The following KCNIP4 variants were observed in gnomAD, a reference collection of about 807,000 sequenced individuals.
KCNIP4 encodes Kv channel-interacting protein 4.
KCNIP4 carries 12 observed loss-of-function variants against 34.0 expected under a neutral mutation model. The ratio of observed to expected loss-of-function variants is 0.35; its 90% CI spans 0.23 to 0.57. The LOEUF (loss-of-function observed/expected upper bound fraction) is 0.57, where lower values mean the gene tolerates loss of function less well. Among genes scored for constraint, KCNIP4 ranks in the 20% least tolerant of loss-of-function variants. The pLI is 0.83. For synonymous variants in KCNIP4, 124 were observed against 102.2 expected, an observed-to-expected ratio of 1.21 and a Z score of -1.29; for missense variants, 238 against 311.7, an observed-to-expected ratio of 0.76 and a Z score of 1.78.
intron 1 of KCNIP4, among the ~76,000 whole-genome samples, chr4:21,197,752 C>T (rs1425930263): frequency 6.6e-6 from 1 of 152,022 alleles, no homozygotes; most frequent in Non-Finnish European, 1.5e-5. Context: ...TGTGACTATC[C>T]TACCGTTAGA....
chr4:21,525,817 G>A (rs1338458635), intron 1 of KCNIP4, among the ~76,000 whole-genome samples: 1 of 152,052 alleles, frequency 6.6e-6, no homozygotes, highest in Non-Finnish European at 1.5e-5. Context: ...TCAAGTTATT[G>A]TGACATATTT....
chr4:21,752,991 G>GT lies in KCNIP4; in HGVS notation c.61+195579dup, dbSNP rs368077136. On this transcript the variant is annotated intron_variant, in intron 1 of 8. Transcript: ENST00000382152. Reference sequence around the variant, plus strand: ...TAAAATGTGCTGCTGCAATTAGAGGGTTTTTTTTTATCTTTTTTTCCAAGC... The same window carrying GT: ...TAAAATGTGCTGCTGCAATTAGAGGGTTTTTTTTTTATCTTTTTTTCCAAGC... Among the ~76,000 whole-genome samples the GT allele has an allele frequency of 8.4e-3, 1,281 of 152,192 alleles. 9 individuals are homozygous for GT. The highest frequency in any genetic ancestry group is 0.014 in the Non-Finnish European group (941 of 68,036).
chr4:21,009,853 C>A (rs1461251778), intron 1 of KCNIP4, among the ~76,000 whole-genome samples: 1 of 152,176 alleles, frequency 6.6e-6, no homozygotes, highest in Non-Finnish European at 1.5e-5. Flanking sequence ...CTCATTCAAC[C>A]GTCCTGATTT....
chr4:21,208,575 T>G (rs1757011120), intron 1 of KCNIP4, among the ~76,000 whole-genome samples: 1 of 152,256 alleles, frequency 6.6e-6, no homozygotes, highest in Admixed American at 6.5e-5. Context: ...GCTTTGATTC[T>G]TATTTTTTTC....
At chr4:21,136,628 C>G (rs1287919971) in intron 1 of KCNIP4, among the ~76,000 whole-genome samples, 1 of 152,108 alleles carries the variant, frequency 6.6e-6, no homozygotes, top group Admixed American at 6.5e-5. Context: ...TGATAATTCT[C>G]TTGGGATGCA....
intron 1 of KCNIP4, chr4:21,582,027 A>AGAATAGAATGGAATGGAATG (rs1741247929): frequency 1.4e-4 from 16 of 113,172 alleles, no homozygotes; most frequent in African/African-American, 3.4e-4. Context: ...AGAATAGAAT[A>AGAATAGAATGGAATGGAATG]GAATGGAATG....
At chr4:21,241,508 G>A (rs1189803373) in intron 1 of KCNIP4, among the ~76,000 whole-genome samples, 1 of 152,124 alleles carries the variant, frequency 6.6e-6, no homozygotes, top group Admixed American at 6.5e-5. Context: ...GCAAGAGATG[G>A]AAACATAGAA....
intron 3 of KCNIP4, among the ~76,000 whole-genome samples, chr4:20,831,581 C>A (rs1388318): frequency 0.2 from 31,054 of 152,072 alleles, 3,397 homozygotes; most frequent in South Asian, 0.42. Context: ...CACACACACA[C>A]AAAACTAATT....
At chr4:21,337,780 C>A (rs932123583) in intron 1 of KCNIP4, among the ~76,000 whole-genome samples, 1 of 152,044 alleles carries the variant, frequency 6.6e-6, no homozygotes, top group African/African-American at 2.4e-5. Context: ...AGGCAAAATA[C>A]CTGGCTTCAA....
At chr4:20,760,465 T>G (rs1402261068) in intron 3 of KCNIP4, among the ~76,000 whole-genome samples, 1 of 151,386 alleles carries the variant, frequency 6.6e-6, no homozygotes, top group South Asian at 2.1e-4. Context: ...GTGAGTCAGT[T>G]ACTCAACTGT....
intron 1 of KCNIP4, among the ~76,000 whole-genome samples, chr4:21,324,031 G>A (rs1183366516): frequency 6.6e-6 from 1 of 151,778 alleles, no homozygotes; most frequent in Non-Finnish European, 1.5e-5. Context: ...TATCTGTTTG[G>A]CAACTATACC....
chr4:21,116,354 C>T (rs1749674237), intron 1 of KCNIP4, among the ~76,000 whole-genome samples: 1 of 152,006 alleles, frequency 6.6e-6, no homozygotes, highest in Non-Finnish European at 1.5e-5. Flanking sequence ...TTTCCTAATT[C>T]GTTCATTCAT....
At chr4:21,266,871 C>A (rs1266850239) in intron 1 of KCNIP4, among the ~76,000 whole-genome samples, 1 of 152,106 alleles carries the variant, frequency 6.6e-6, no homozygotes, top group Non-Finnish European at 1.5e-5. Context: ...GGAAGAAGGA[C>A]TGGAAAGCTA....
intron 3 of KCNIP4, among the ~76,000 whole-genome samples, chr4:20,794,182 A>G (rs1713147443): frequency 6.6e-6 from 1 of 152,178 alleles, no homozygotes; most frequent in South Asian, 2.1e-4. Context: ...AGTCTCGGGT[A>G]TATCTTTATC....
intron 3 of KCNIP4, among the ~76,000 whole-genome samples, chr4:20,832,068 C>T (rs1718495875): frequency 6.6e-6 from 1 of 151,536 alleles, no homozygotes; most frequent in African/African-American, 2.4e-5. Context: ...CTTTTTTTTT[C>T]ATGAAGAGCT....
chr4:21,506,446 C>T (rs1733852397), intron 1 of KCNIP4, among the ~76,000 whole-genome samples: 1 of 152,172 alleles, frequency 6.6e-6, no homozygotes, highest in Admixed American at 6.5e-5. Context: ...CAATACATGG[C>T]ACCTAGTGGA....
chr4:21,200,313 T>C (rs58267048), intron 1 of KCNIP4, among the ~76,000 whole-genome samples: 54,285 of 134,204 alleles, frequency 0.4, 13,621 homozygotes, highest in African/African-American at 0.64. Context: ...TATATATACA[T>C]ACATATATGT....
At chr4:21,869,986 T>TA (rs1353839772) in intron 1 of KCNIP4, among the ~76,000 whole-genome samples, 11 of 152,290 alleles carry the variant, frequency 7.2e-5, no homozygotes, top group African/African-American at 2.6e-4. Flanking sequence ...GTGGGCTTTT[T>TA]AGTCAGCAAA....
intron 3 of KCNIP4, among the ~76,000 whole-genome samples, chr4:20,834,089 G>A (rs988321713): frequency 3.3e-5 from 5 of 152,106 alleles, no homozygotes; most frequent in African/African-American, 1.2e-4. Context: ...TGAAAAGGTG[G>A]AACAGAGACC....
Sources: gnomAD v4.1 joint callset for allele counts (sites outside exome capture counted in the v4.1 genomes callset) on GRCh38, gnomAD v4.1.1 for gene constraint, MANE v1.5 for transcripts, NCBI Gene and HGNC (gene_info 2026-07-23, HGNC 2026-07-21) for gene names.